The following UGT8 variants were observed in gnomAD, a reference collection of about 807,000 sequenced individuals.
The protein encoded by UGT8 is 2-hydroxyacylsphingosine 1-beta-galactosyltransferase.
A neutral mutation model predicts 40.5 loss-of-function variants in UGT8; 12 were observed. The observed-to-expected ratio is 0.30, with a 90% CI of 0.19 to 0.48. UGT8 has a LOEUF of 0.48. Among genes scored for constraint, UGT8 ranks in the 20% least tolerant of loss-of-function variants. UGT8 has a pLI of 0.99. For synonymous variants in UGT8, 224 were observed against 240.4 expected (o/e 0.93, Z 0.63); for missense variants, 513 against 648.7 (o/e 0.79, Z 2.27).
In UGT8 at chr4:114,670,803, A is replaced by T. The variant is rs545358761; in HGVS notation, c.1262+2499A>T. Among the ~76,000 whole-genome samples, 7 of 152,290 alleles carry T rather than the reference A, an allele frequency of 4.6e-5. No homozygotes were observed. The South Asian group carries it at 1.2e-3, about 27-fold the overall frequency. On this transcript the variant is annotated intron_variant, in intron 5 of 5. Transcript: ENST00000310836. ...CACTCCTATTCAACATAGTATTGCA[A>T]GTTCTGGCCAGGGCAGTCAGGCAAG... is the stretch of plus-strand genomic sequence containing the variant.
At chr4:114,631,106 A>G (rs1732543562) in intron 2 of UGT8, among the ~76,000 whole-genome samples, 1 of 152,198 alleles carries the variant, frequency 6.6e-6, no homozygotes, top group Non-Finnish European at 1.5e-5. Context: ...CAGACTCGGC[A>G]ACCAACCCCA....
chr4:114,601,831 T>TG (rs541918308), intron 1 of UGT8, among the ~76,000 whole-genome samples: 301 of 148,018 alleles, frequency 2.0e-3, no homozygotes, highest in African/African-American at 7.2e-3. Context: ...CTTTTTATGT[T>TG]TTTTTTTTTT....
At chr4:114,654,994 CTT>C (rs1734090393) in intron 2 of UGT8, among the ~76,000 whole-genome samples, 1 of 151,752 alleles carries the variant, frequency 6.6e-6, no homozygotes, top group African/African-American at 2.4e-5. Context: ...TGACTGATAA[CTT>C]ATATTTCCCT....
intron 1 of UGT8, among the ~76,000 whole-genome samples, chr4:114,599,438 C>T (rs186201493): frequency 6.6e-6 from 1 of 152,226 alleles, no homozygotes; most frequent in East Asian, 1.9e-4. Context: ...AGCTTCGGGA[C>T]CTCTTCAACT....
intron 2 of UGT8, among the ~76,000 whole-genome samples, chr4:114,642,801 G>C (rs956753605): frequency 6.6e-6 from 1 of 152,092 alleles, no homozygotes; most frequent in Non-Finnish European, 1.5e-5. Flanking sequence ...AAAATAAATA[G>C]GGTGGAATTG....
At chr4:114,670,310 A>C (rs1366730549) in intron 5 of UGT8, among the ~76,000 whole-genome samples, 1 of 151,536 alleles carries the variant, frequency 6.6e-6, no homozygotes, top group African/African-American at 2.4e-5. Flanking sequence ...GGGCACCTGT[A>C]GTCCCAGCTA....
chr4:114,672,599 A>T (rs1413580009), intron 5 of UGT8, among the ~76,000 whole-genome samples: 1 of 152,058 alleles, frequency 6.6e-6, no homozygotes, highest in Non-Finnish European at 1.5e-5. Flanking sequence ...CTCACTCATA[A>T]GTGGGACTTG....
chr4:114,629,963 A>G (rs1732470657), intron 2 of UGT8, among the ~76,000 whole-genome samples: 1 of 152,186 alleles, frequency 6.6e-6, no homozygotes, highest in African/African-American at 2.4e-5. Context: ...TTTAACTGAT[A>G]ATTTTTAGAA....
intron 1 of UGT8, among the ~76,000 whole-genome samples, chr4:114,611,518 C>T (rs904278461): frequency 4.8e-4 from 36 of 74,376 alleles, no homozygotes; most frequent in African/African-American, 1.5e-3. Context: ...ATAAGATAGC[C>T]GTATATATCC....
Position 114,661,448 on chromosome 4 carries a change from T to C in UGT8, c.823-2547T>C, listed in dbSNP as rs573858216. Reference sequence around the variant, plus strand: ...CTCCCAAACCACTGGACGATATCAGTATTCTTATCGTGAAGTTCCAATTTC... The same window carrying C: ...CTCCCAAACCACTGGACGATATCAGCATTCTTATCGTGAAGTTCCAATTTC... On this transcript the variant is annotated intron_variant, in intron 2 of 5. Coordinates refer to ENST00000310836, the MANE Select transcript of UGT8 (RefSeq NM_001128174.3). Among the ~76,000 whole-genome samples the C allele has an allele frequency of 1.4e-4, 22 of 152,318 alleles. No individual in the cohort carries two copies. In the East Asian group the frequency reaches 4.0e-3, roughly 28 times the overall value.
rs754963742 is a variant in UGT8 at position 114,664,009 on chromosome 4, G to T, written c.837G>T (p.Trp279Cys). The T allele has an allele frequency of 6.2e-7, 1 of 1,613,774 alleles. No homozygotes were observed. The highest frequency in any genetic ancestry group is 1.7e-5 in the Admixed American group (1 of 60,010). Residue 279 changes from tryptophan (W) to cysteine (C), a missense_variant, in exon 3 of 6, where the codon TGG becomes TGT. By Grantham distance (215) the Trp-to-Cys change is radical. This residue lies in a region of UGT8 where 335 missense variants were observed against 444.8 expected (regional missense o/e 0.75). Coordinates refer to ENST00000310836, the MANE Select transcript of UGT8 (RefSeq NM_001128174.3). The part of the protein sequence containing the change: ...ASPLPEDLQR[W>C]VNGANEHGFV... Reference sequence around the variant, plus strand: ...TTGATTTACAGGATCTCCAAAGATGGGTAAATGGTGCTAATGAACATGGCT... The same window carrying T: ...TTGATTTACAGGATCTCCAAAGATGTGTAAATGGTGCTAATGAACATGGCT...
intron 1 of UGT8, among the ~76,000 whole-genome samples, chr4:114,619,997 A>T (rs1020912634): frequency 3.3e-5 from 5 of 151,624 alleles, no homozygotes; most frequent in Admixed American, 1.3e-4. Flanking sequence ...AAAATATAAG[A>T]TAATTATATC....
At position 114,635,703 on chromosome 4, in the gene UGT8, A is replaced by G. The variant is rs1411463772; in HGVS notation, c.822+12001A>G. On this transcript the variant is annotated intron_variant, in intron 2 of 5. Coordinates refer to ENST00000310836, the MANE Select transcript of UGT8 (RefSeq NM_001128174.3). ...CTTTCCCCCCTCATAAAAAAGATCC[A>G]TTTATTTCAGTTAAGTTTTAAGTAT... 2.6e-5 allele frequency among the ~76,000 whole-genome samples: 4 copies of G among 152,138 alleles called. No homozygotes were observed. In the South Asian group the frequency reaches 6.2e-4, roughly 24 times the overall value.
At chr4:114,646,118 G>A (rs145683996) in intron 2 of UGT8, among the ~76,000 whole-genome samples, 2 of 152,064 alleles carry the variant, frequency 1.3e-5, no homozygotes, top group East Asian at 3.9e-4. Flanking sequence ...ATACTGTTTT[G>A]CAAGATTTAT....
intron 2 of UGT8, among the ~76,000 whole-genome samples, chr4:114,635,462 T>C (rs1462640844): frequency 6.6e-6 from 1 of 152,228 alleles, no homozygotes; most frequent in Non-Finnish European, 1.5e-5. Flanking sequence ...AAGACTTTTT[T>C]TCTTCAACTA....
At chr4:114,668,657 G>T (rs1578470587) in intron 5 of UGT8, among the ~76,000 whole-genome samples, 1 of 152,100 alleles carries the variant, frequency 6.6e-6, no homozygotes, top group Non-Finnish European at 1.5e-5. Flanking sequence ...CATTATAGAG[G>T]CAAGGCACTT....
At chr4:114,603,652 C>A (rs925437609) in intron 1 of UGT8, among the ~76,000 whole-genome samples, 2 of 152,058 alleles carry the variant, frequency 1.3e-5, no homozygotes, top group Non-Finnish European at 2.9e-5. Context: ...GTTCCCACCC[C>A]CTCTCGAGCC....
intron 1 of UGT8, among the ~76,000 whole-genome samples, chr4:114,612,286 C>G (rs1358258922): frequency 6.6e-6 from 1 of 151,922 alleles, no homozygotes. Flanking sequence ...ACAAGTGTAG[C>G]CTAGATTTTC....
At chr4:114,606,744 G>A (rs879486239) in intron 1 of UGT8, among the ~76,000 whole-genome samples, 3 of 152,148 alleles carry the variant, frequency 2.0e-5, no homozygotes, top group Non-Finnish European at 4.4e-5. Context: ...ATAAGGACAA[G>A]ATGGGGAGAA....
Sources: gnomAD v4.1 joint callset for allele counts (sites outside exome capture counted in the v4.1 genomes callset) on GRCh38, gnomAD v4.1.1 for gene constraint, gnomAD v4.1.1 regional missense constraint, MANE v1.5 for transcripts, NCBI Gene and HGNC (gene_info 2026-07-23, HGNC 2026-07-21) for gene names.